ABAT: variants seen among roughly 807,000 people sequenced by gnomAD.
The protein encoded by ABAT is 4-aminobutyrate aminotransferase.
In ABAT, 45 loss-of-function variants were observed where a neutral mutation model predicts 64.6. That is an observed-to-expected ratio of 0.70 (90% CI 0.55 to 0.89). ABAT has a LOEUF of 0.89. Among genes scored for constraint, ABAT ranks in the 40% least tolerant of loss-of-function variants. The pLI is 0.00. For missense variants in ABAT, 633 were observed against 658.4 expected, an observed-to-expected ratio of 0.96 and a Z score of 0.42; for synonymous variants, 297 against 250.5, an observed-to-expected ratio of 1.19 and a Z score of -1.75.
At chr16:8,747,103 A>G (rs1188918616) in intron 3 of ABAT, among the ~76,000 whole-genome samples, 1 of 152,176 alleles carries the variant, frequency 6.6e-6, no homozygotes, top group African/African-American at 2.4e-5. Flanking sequence ...TGGGTTCCGC[A>G]TGGGTCCGCC....
chr16:8,757,212 G>C (rs748115940), intron 5 of ABAT: 1 of 450,924 alleles, frequency 2.2e-6, no homozygotes, highest in South Asian at 1.6e-5. Flanking sequence ...CTGTCACCCA[G>C]GCTGGAGTGC....
intron 6 of ABAT, among the ~76,000 whole-genome samples, chr16:8,761,888 T>G (rs2059807254): frequency 6.6e-6 from 1 of 152,256 alleles, no homozygotes; most frequent in Non-Finnish European, 1.5e-5. Context: ...TTACTTCATG[T>G]GACTTCCTAA....
intron 1 of ABAT, chr16:8,713,052 A>G (rs560208835): frequency 4.6e-5 from 7 of 151,918 alleles, no homozygotes; most frequent in African/African-American, 1.7e-4. Context: ...GGAGTTGGGT[A>G]ATCGCTCCCG....
At chr16:8,702,348 G>T (rs1403480832) in intron 1 of ABAT, among the ~76,000 whole-genome samples, 1 of 152,034 alleles carries the variant, frequency 6.6e-6, no homozygotes, top group Non-Finnish European at 1.5e-5. Flanking sequence ...CGCCTCCTGG[G>T]TTCAAGCAAT....
rs192513806 is a variant in ABAT at position 8,769,169 on chromosome 16, C to T, written c.816+196C>T. On this transcript the variant is annotated intron_variant, in intron 11 of 15. Transcript: ENST00000268251. ...GGAGAGTTCGTGAGACACACTGTTT[C>T]TGTCACAGCATCCATCACCCAACTC... Among the ~76,000 whole-genome samples, 824 of 152,348 alleles carry T rather than the reference C, an allele frequency of 5.4e-3. 5 individuals carry two copies. Among genetic ancestry groups the T allele is most frequent in the Middle Eastern group, 0.034 (10 of 294 alleles).
intron 11 of ABAT, 144 bp downstream of exon 11, chr16:8,769,117 G>C (rs909213996): frequency 1.9e-5 from 22 of 1,153,572 alleles, no homozygotes; most frequent in Non-Finnish European, 2.4e-5. Context: ...GGACACAGAG[G>C]CCTTGCGTCC....
At chr16:8,699,313 G>T (rs1283294298) in intron 1 of ABAT, among the ~76,000 whole-genome samples, 1 of 151,112 alleles carries the variant, frequency 6.6e-6, no homozygotes, top group African/African-American at 2.4e-5. Flanking sequence ...ATTTATTTTT[G>T]CAGGGAATTA....
Position 8,721,804 on chromosome 16 carries a change from G to A in ABAT, c.-41-13895G>A, listed in dbSNP as rs548650422. On this transcript the variant is annotated intron_variant, in intron 1 of 15. Coordinates refer to ENST00000268251, the MANE Select transcript of ABAT (RefSeq NM_020686.6). Reference sequence around the variant, plus strand: ...CTCTTAGCTCATCTCGCCCCTCCCCGCAATGCACCAGACACACGAAGGAAG... The same window carrying A: ...CTCTTAGCTCATCTCGCCCCTCCCCACAATGCACCAGACACACGAAGGAAG... Among the ~76,000 whole-genome samples, 11 of 152,130 alleles carry A rather than the reference G, an allele frequency of 7.2e-5. No individual in the cohort carries two copies. In the East Asian group the frequency reaches 1.5e-3, roughly 21 times the overall value.
At chr16:8,697,241 T>C (rs1295422283) in intron 1 of ABAT, among the ~76,000 whole-genome samples, 1 of 152,150 alleles carries the variant, frequency 6.6e-6, no homozygotes, top group Non-Finnish European at 1.5e-5. Flanking sequence ...GCATGGCAGG[T>C]CCCACGTTGG....
chr16:8,709,319 G>C (rs536988182), intron 1 of ABAT, among the ~76,000 whole-genome samples: 2 of 151,666 alleles, frequency 1.3e-5, no homozygotes, highest in Admixed American at 6.6e-5. Context: ...GTGACCACTA[G>C]AAATTTTTAA....
chr16:8,685,753 A>G (rs148156079), intron 1 of ABAT, among the ~76,000 whole-genome samples: 201 of 152,314 alleles, frequency 1.3e-3, no homozygotes, highest in African/African-American at 4.6e-3. Flanking sequence ...AGTGATGGAG[A>G]GGCATGGGTG....
chr16:8,770,298 C>T (rs7500881), intron 11 of ABAT, among the ~76,000 whole-genome samples: 34,298 of 151,920 alleles, frequency 0.23, 4,118 homozygotes, highest in African/African-American at 0.29. Flanking sequence ...ACACCACACC[C>T]GGCTAATTTT....
rs1307057139 is a variant in ABAT, at chr16:8,752,615, A to C, written c.316+2076A>C. On this transcript the variant is annotated intron_variant, in intron 5 of 15. Coordinates refer to ENST00000268251, the MANE Select transcript of ABAT (RefSeq NM_020686.6). ...CCCAATCTCTACAAAAGAGTTTTAA[A>C]AATTAGCTAGTCATGCTGGTGCATG... Among the ~76,000 whole-genome samples, 4 of 152,128 alleles carry C rather than the reference A, an allele frequency of 2.6e-5. No individual in the cohort carries two copies. The East Asian group carries it at 7.7e-4, about 29-fold the overall frequency.
intron 1 of ABAT, among the ~76,000 whole-genome samples, chr16:8,701,659 G>C (rs2057825633): frequency 6.6e-6 from 1 of 152,222 alleles, no homozygotes; most frequent in Non-Finnish European, 1.5e-5. Flanking sequence ...CTGTAATGAG[G>C]GAGCTTGCAT....
In ABAT at chr16:8,727,972, G is replaced by A. The variant is rs114543290; in HGVS notation, c.-41-7727G>A. Among the ~76,000 whole-genome samples the A allele has an allele frequency of 3.5e-3, 533 of 152,340 alleles. 2 individuals carry two copies. The highest frequency in any genetic ancestry group is 0.012 in the African/African-American group (499 of 41,580). ...TGTAGTCCCAGCTACTTGGACGGCT[G>A]AGATGGGAAGATTGCTAGAGCCCGG... On this transcript the variant is annotated intron_variant, in intron 1 of 15. Transcript: ENST00000268251.
At chr16:8,743,065 A>T (rs1004357460) in intron 2 of ABAT, among the ~76,000 whole-genome samples, 9 of 149,894 alleles carry the variant, frequency 6.0e-5, no homozygotes, top group Non-Finnish European at 1.2e-4. Context: ...CTCTCTTCTA[A>T]TGGAATACTT....
At chr16:8,774,772 C>T (rs2060216874) in intron 12 of ABAT, 118 bp from the exon 13 acceptor site, 3 of 1,287,066 alleles carry the variant, frequency 2.3e-6, no homozygotes, top group Non-Finnish European at 3.3e-6. Context: ...GTTTGCTCTT[C>T]AGAAAACAAG....
intron 2 of ABAT, among the ~76,000 whole-genome samples, chr16:8,741,805 A>G (rs2059168985): frequency 6.6e-6 from 1 of 152,330 alleles, no homozygotes; most frequent in East Asian, 1.9e-4. Flanking sequence ...CTGGGTTCCA[A>G]TGCTGACTCT....
chr16:8,777,600 G>C (rs7196462), intron 14 of ABAT, among the ~76,000 whole-genome samples: 111,326 of 151,666 alleles, frequency 0.73, 40,848 homozygotes, highest in South Asian at 0.76. Flanking sequence ...GAGTGTGGCA[G>C]GCAGGCCTAA....
Sources: gnomAD v4.1 joint callset for allele counts (sites outside exome capture counted in the v4.1 genomes callset) on GRCh38, gnomAD v4.1.1 for gene constraint, MANE v1.5 for transcripts, NCBI Gene and HGNC (gene_info 2026-07-23, HGNC 2026-07-21) for gene names.